ARHGAP10: variants seen among roughly 807,000 people sequenced by gnomAD.
ARHGAP10 encodes Rho GTPase activating protein 10.
In ARHGAP10, 87 loss-of-function variants were observed where a neutral mutation model predicts 108.6. That is an observed-to-expected ratio of 0.80 (90% CI 0.67 to 0.96). ARHGAP10 has a LOEUF of 0.96. Ranked by LOEUF, ARHGAP10 falls within the 40% of genes least tolerant of loss-of-function variation. ARHGAP10 has a pLI of 0.00. For synonymous variants in ARHGAP10, 347 were observed against 341.1 expected, an observed-to-expected ratio of 1.02 and a Z score of -0.19; for missense variants, 939 against 954.5, an observed-to-expected ratio of 0.98 and a Z score of 0.21.
intron 1 of ARHGAP10, among the ~76,000 whole-genome samples, chr4:147,819,756 A>G (rs1055250256): frequency 7.2e-5 from 11 of 151,988 alleles, no homozygotes; most frequent in African/African-American, 9.7e-5. Context: ...ATGGGGTTTC[A>G]CCGTGTTGGC....
chr4:148,060,027 C>CAA (rs1553978091), intron 20 of ARHGAP10, among the ~76,000 whole-genome samples: 4 of 150,592 alleles, frequency 2.7e-5, no homozygotes, highest in Admixed American at 6.6e-5. Flanking sequence ...GGGAGAGAGA[C>CAA]GAGAGAGAGA....
At chr4:147,844,988 C>T (rs528332398) in intron 3 of ARHGAP10, among the ~76,000 whole-genome samples, 2 of 152,318 alleles carry the variant, frequency 1.3e-5, no homozygotes, top group South Asian at 2.1e-4. Flanking sequence ...AGGCCCGGCA[C>T]GCTCTGATCC....
At chr4:147,759,733 C>T (rs1024006163) in intron 1 of ARHGAP10, among the ~76,000 whole-genome samples, 4 of 151,954 alleles carry the variant, frequency 2.6e-5, no homozygotes, top group Admixed American at 6.6e-5. Context: ...TTGGACTTCA[C>T]TGTGTATTTA....
At chr4:147,785,535 G>GT (rs1451471286) in intron 1 of ARHGAP10, among the ~76,000 whole-genome samples, 1 of 152,156 alleles carries the variant, frequency 6.6e-6, no homozygotes, top group Non-Finnish European at 1.5e-5. Flanking sequence ...TCCCATGGGT[G>GT]TATGTATATG....
intron 10 of ARHGAP10, among the ~76,000 whole-genome samples, chr4:147,901,617 C>T (rs1181941200): frequency 6.6e-6 from 1 of 152,222 alleles, no homozygotes; most frequent in African/African-American, 2.4e-5. Flanking sequence ...ACATATAATA[C>T]TACTTTACTT....
intron 5 of ARHGAP10, chr4:147,861,009 C>G (rs1368028063): frequency 6.6e-6 from 1 of 152,252 alleles, no homozygotes; most frequent in Non-Finnish European, 1.5e-5. Context: ...CCAGAAATCT[C>G]TGTGTCTGGT....
intron 18 of ARHGAP10, among the ~76,000 whole-genome samples, chr4:148,021,901 A>G (rs1386517378): frequency 6.6e-6 from 1 of 152,214 alleles, no homozygotes; most frequent in Non-Finnish European, 1.5e-5. Context: ...ATTTTTTAAA[A>G]ATTTCATTTA....
At chr4:148,051,335 CAA>C (rs1423016423) in intron 20 of ARHGAP10, among the ~76,000 whole-genome samples, 1 of 152,136 alleles carries the variant, frequency 6.6e-6, no homozygotes, top group African/African-American at 2.4e-5. Context: ...TCGAATGTTC[CAA>C]AGTCATTTTT....
chr4:147,778,302 A>G (rs867162583), intron 1 of ARHGAP10, among the ~76,000 whole-genome samples: 1 of 152,022 alleles, frequency 6.6e-6, no homozygotes, highest in African/African-American at 2.4e-5. Context: ...CACGTGGCCT[A>G]GTGTAATTGG....
chr4:147,894,882 G>A (rs754211330), intron 10 of ARHGAP10, among the ~76,000 whole-genome samples: 4 of 152,076 alleles, frequency 2.6e-5, no homozygotes, highest in Non-Finnish European at 4.4e-5. Flanking sequence ...GCATCTCTTT[G>A]TCTGTTCTTT....
chr4:147,762,730 C>T (rs1729642311), intron 1 of ARHGAP10, among the ~76,000 whole-genome samples: 2 of 151,664 alleles, frequency 1.3e-5, no homozygotes, highest in Non-Finnish European at 1.5e-5. Flanking sequence ...ATGGGTTTCA[C>T]CGTGCTAGCC....
intron 1 of ARHGAP10, among the ~76,000 whole-genome samples, chr4:147,758,180 T>G (rs1448496201): frequency 6.6e-6 from 1 of 151,978 alleles, no homozygotes; most frequent in Non-Finnish European, 1.5e-5. Context: ...GGAGAATTGC[T>G]TGAACCCGGG....
chr4:147,910,726 A>G (rs1349893306), intron 12 of ARHGAP10, among the ~76,000 whole-genome samples: 1 of 151,976 alleles, frequency 6.6e-6, no homozygotes, highest in Non-Finnish European at 1.5e-5. Flanking sequence ...TGGGTTCCTG[A>G]TGAATTTACT....
intron 1 of ARHGAP10, among the ~76,000 whole-genome samples, chr4:147,812,202 G>C (rs1732056296): frequency 6.6e-6 from 1 of 152,122 alleles, no homozygotes; most frequent in Non-Finnish European, 1.5e-5. Flanking sequence ...CTATTTTTTA[G>C]CATTTCTAAA....
intron 1 of ARHGAP10, among the ~76,000 whole-genome samples, chr4:147,755,437 C>T (rs1167472273): frequency 3.3e-5 from 5 of 151,888 alleles, no homozygotes; most frequent in African/African-American, 1.2e-4. Flanking sequence ...GCAGGAGAAT[C>T]GCTTGAACTC....
At chr4:147,923,681 A>G (rs969306403) in intron 13 of ARHGAP10, among the ~76,000 whole-genome samples, 1 of 152,212 alleles carries the variant, frequency 6.6e-6, no homozygotes, top group African/African-American at 2.4e-5. Context: ...TTGCATGTAA[A>G]AGCAAATTTA....
rs563196541 is a variant in ARHGAP10 at position 148,035,420 on chromosome 4, GGAGTA to G, written c.1868-11470_1868-11466del. On this transcript the variant is annotated intron_variant, in intron 19 of 22. Coordinates refer to ENST00000336498, the MANE Select transcript of ARHGAP10 (RefSeq NM_024605.4). ...TTTGTTTCTGTGCTTTTGGGATTGTGGAGTAGGAAGCTCTTTTCTTGAGAAGTCAC... is the reference window on the plus strand; with the variant it reads ...TTTGTTTCTGTGCTTTTGGGATTGTGGGAAGCTCTTTTCTTGAGAAGTCAC... Among the ~76,000 whole-genome samples, 8 of 152,250 alleles carry G rather than the reference GGAGTA, an allele frequency of 5.3e-5. No homozygotes were observed. In the South Asian group the frequency reaches 1.5e-3, roughly 28 times the overall value.
At chr4:147,930,143 C>T (rs1737621593) in intron 13 of ARHGAP10, among the ~76,000 whole-genome samples, 1 of 152,176 alleles carries the variant, frequency 6.6e-6, no homozygotes, top group Admixed American at 6.5e-5. Context: ...CTGCTGGTTA[C>T]TAGATGAGAG....
intron 3 of ARHGAP10, among the ~76,000 whole-genome samples, chr4:147,842,462 C>T (rs1200632054): frequency 3.3e-5 from 5 of 152,034 alleles, no homozygotes; most frequent in Admixed American, 2.0e-4. Context: ...TATAACCTAC[C>T]TCTACTTTCT....
Sources: gnomAD v4.1 joint callset for allele counts (sites outside exome capture counted in the v4.1 genomes callset) on GRCh38, gnomAD v4.1.1 for gene constraint, MANE v1.5 for transcripts, NCBI Gene and HGNC (gene_info 2026-07-23, HGNC 2026-07-21) for gene names.